Variants in IL1RAPL2 observed in about 807,000 individuals in gnomAD.
IL1RAPL2 encodes interleukin 1 receptor accessory protein like 2, also known as X-linked interleukin-1 receptor accessory protein-like 2.
IL1RAPL2 carries 3 observed loss-of-function variants against 44.1 expected under a neutral mutation model. The observed-to-expected ratio is 0.07, with a 90% CI of 0.03 to 0.18. The LOEUF (loss-of-function observed/expected upper bound fraction) is 0.18. IL1RAPL2 is among the 10% of genes least tolerant of loss of function. IL1RAPL2 has a pLI of 1.00. For synonymous variants in IL1RAPL2, 181 were observed against 178.8 expected, an observed-to-expected ratio of 1.01 and a Z score of -0.10; for missense variants, 391 against 496.4, an observed-to-expected ratio of 0.79 and a Z score of 2.02.
chrX:105,484,272 A>T (rs761522417), intron 5 of IL1RAPL2, 41 bp from the exon 6 acceptor site: 2 of 943,068 alleles, frequency 2.1e-6, no homozygotes, highest in East Asian at 6.1e-5. Flanking sequence ...CCTGTAATTT[A>T]TCTCAATTTT....
At chrX:105,545,619 TG>T (rs1368410478) in intron 6 of IL1RAPL2, among the ~76,000 whole-genome samples, 1 of 112,291 alleles carries the variant, frequency 8.9e-6, no homozygotes. Flanking sequence ...GCTTTGAATA[TG>T]TAATTCTAGC....
chrX:104,720,202 C>G (rs1931650159), intron 2 of IL1RAPL2, among the ~76,000 whole-genome samples: 1 of 111,311 alleles, frequency 9.0e-6, no homozygotes, highest in African/African-American at 3.3e-5. Flanking sequence ...TTACCATAGG[C>G]ATATCTGTCA....
rs1250155937 is a variant in IL1RAPL2, at chrX:105,503,327, G to T, written c.772+18940G>T. ...ATGCAGTTATTTTCTTAGCCTATTTGTACTCCCCAAAAGTTCCCAGTTAAT... is the reference window on the plus strand; with the variant it reads ...ATGCAGTTATTTTCTTAGCCTATTTTTACTCCCCAAAAGTTCCCAGTTAAT... On this transcript the variant is annotated intron_variant, in intron 6 of 10. Coordinates refer to ENST00000372582, the MANE Select transcript of IL1RAPL2 (RefSeq NM_017416.2). Among the ~76,000 whole-genome samples, 8 of 111,003 alleles carry T rather than the reference G, an allele frequency of 7.2e-5. 1 individual carries two copies. Among genetic ancestry groups the T allele is most frequent in the Admixed American group, 5.8e-4 (6 of 10,388 alleles).
intron 6 of IL1RAPL2, among the ~76,000 whole-genome samples, chrX:105,504,667 T>G (rs1049064828): frequency 3.6e-5 from 4 of 112,020 alleles, no homozygotes; most frequent in Non-Finnish European, 3.8e-5. Context: ...CTTTCTTACC[T>G]TAGCCAAACA....
At chrX:104,788,760 A>G (rs1381848961) in intron 2 of IL1RAPL2, among the ~76,000 whole-genome samples, 1 of 111,875 alleles carries the variant, frequency 8.9e-6, no homozygotes, top group African/African-American at 3.3e-5. Flanking sequence ...TGCAAAAGGC[A>G]TGCACATGAA....
chrX:104,756,298 TTTCAC>T (rs1163730802), intron 2 of IL1RAPL2, among the ~76,000 whole-genome samples: 1 of 111,332 alleles, frequency 9.0e-6, no homozygotes, highest in African/African-American at 3.3e-5. Context: ...TTCTAGGGCT[TTTCAC>T]CCAACTTGTT....
At chrX:104,931,994 A>ATTTT (rs758080790) in intron 2 of IL1RAPL2, among the ~76,000 whole-genome samples, 2 of 57,832 alleles carry the variant, frequency 3.5e-5, no homozygotes, top group Non-Finnish European at 5.9e-5. Flanking sequence ...ATATATATAT[A>ATTTT]TATTTTTTTT....
chrX:105,688,728 A>T (rs1028577082), intron 6 of IL1RAPL2, among the ~76,000 whole-genome samples: 4 of 111,805 alleles, frequency 3.6e-5, no homozygotes, highest in African/African-American at 1.3e-4. Context: ...ACTACTTTAA[A>T]GTTCATATGG....
intron 2 of IL1RAPL2, among the ~76,000 whole-genome samples, chrX:104,935,038 A>C (rs1401528124): frequency 8.9e-6 from 1 of 111,834 alleles, no homozygotes; most frequent in East Asian, 2.8e-4. Flanking sequence ...TAGTTTATAT[A>C]AAATGCTTAA....
chrX:104,818,882 G>A (rs778859718), intron 2 of IL1RAPL2, among the ~76,000 whole-genome samples: 40 of 111,673 alleles, frequency 3.6e-4, no homozygotes, highest in African/African-American at 1.2e-3. Flanking sequence ...AGAGGGGCAG[G>A]GATACTTCCT....
chrX:105,033,654 A>T (rs1478312730), intron 2 of IL1RAPL2, among the ~76,000 whole-genome samples: 1 of 111,282 alleles, frequency 9.0e-6, no homozygotes, highest in Non-Finnish European at 1.9e-5. Flanking sequence ...GCTGCCCTTA[A>T]CATTTTTTCC....
chrX:104,592,419 G>C (rs1409136713), intron 1 of IL1RAPL2, among the ~76,000 whole-genome samples: 3 of 110,425 alleles, frequency 2.7e-5, no homozygotes, highest in Non-Finnish European at 5.7e-5. Context: ...AAATTGATTA[G>C]AGTTGCAAAT....
At chrX:104,915,392 T>C (rs768325951) in intron 2 of IL1RAPL2, among the ~76,000 whole-genome samples, 17 of 110,897 alleles carry the variant, frequency 1.5e-4, no homozygotes, top group African/African-American at 4.9e-4. Context: ...TCATATCCTT[T>C]GCCCACTTTT....
At chrX:105,677,701 C>T (rs771910182) in intron 6 of IL1RAPL2, among the ~76,000 whole-genome samples, 1 of 111,126 alleles carries the variant, frequency 9.0e-6, no homozygotes, top group South Asian at 3.8e-4. Flanking sequence ...TTTAGTAGTA[C>T]ACCACTGGCC....
intron 6 of IL1RAPL2, among the ~76,000 whole-genome samples, chrX:105,630,708 A>G (rs982554367): frequency 1.8e-5 from 2 of 110,681 alleles, no homozygotes; most frequent in Non-Finnish European, 3.8e-5. Context: ...TTAATTGTCA[A>G]TTGAGTGAAT....
chrX:105,739,392 C>T (rs973165114), intron 7 of IL1RAPL2, among the ~76,000 whole-genome samples: 17 of 108,936 alleles, frequency 1.6e-4, no homozygotes, highest in Non-Finnish European at 3.1e-4. Context: ...TACATGTGCA[C>T]ATTGTGCAGG....
At chrX:105,010,659 A>T (rs2031033338) in intron 2 of IL1RAPL2, among the ~76,000 whole-genome samples, 1 of 111,393 alleles carries the variant, frequency 9.0e-6, no homozygotes. Context: ...GGTCTTTGCC[A>T]AATAATCTTG....
intron 2 of IL1RAPL2, among the ~76,000 whole-genome samples, chrX:105,039,172 CAA>C (rs1429401084): frequency 4.5e-5 from 5 of 111,387 alleles, no homozygotes; most frequent in Non-Finnish European, 9.4e-5. Context: ...CAAACATTAG[CAA>C]GAGAAAATAT....
intron 2 of IL1RAPL2, among the ~76,000 whole-genome samples, chrX:104,686,491 G>C (rs778209713): frequency 8.9e-6 from 1 of 111,739 alleles, no homozygotes; most frequent in African/African-American, 3.3e-5. Context: ...CTAGAAATTT[G>C]GCTGAATATT....
Sources: gnomAD v4.1 joint callset for allele counts (sites outside exome capture counted in the v4.1 genomes callset) on GRCh38, gnomAD v4.1.1 for gene constraint, MANE v1.5 for transcripts, NCBI Gene and HGNC (gene_info 2026-07-23, HGNC 2026-07-21) for gene names.